The following AP3B1 variants were observed in gnomAD, a reference collection of about 807,000 sequenced individuals.
AP3B1 encodes the protein AP-3 complex subunit beta-1.
A neutral mutation model predicts 132.5 loss-of-function variants in AP3B1; 61 were observed. That is an observed-to-expected ratio of 0.46 (90% confidence interval 0.37 to 0.57). AP3B1 has a LOEUF of 0.57. Among genes scored for constraint, AP3B1 ranks in the 20% least tolerant of loss-of-function variants. The pLI, the probability that AP3B1 is intolerant of heterozygous loss-of-function variation, is 0.00. For missense variants in AP3B1, 1,120 were observed against 1,289.4 expected, an observed-to-expected ratio of 0.87 and a Z score of 2.01; for synonymous variants, 388 against 438.3, an observed-to-expected ratio of 0.89 and a Z score of 1.43.
At chr5:78,089,310 C>T (rs1750410237) in intron 22 of AP3B1, 83 bp downstream of exon 22, 1 of 997,074 alleles carries the variant, frequency 1.0e-6, no homozygotes, top group Non-Finnish European at 1.6e-6. Context: ...ACTAAGAATC[C>T]ACTTCAAGTA....
intron 1 of AP3B1, among the ~76,000 whole-genome samples, chr5:78,269,354 T>A (rs1748459134): frequency 6.6e-6 from 1 of 152,198 alleles, no homozygotes; most frequent in Non-Finnish European, 1.5e-5. Context: ...TAACTTTTCC[T>A]TTCATGTTCA....
At chr5:78,216,026 T>C in intron 7 of AP3B1, 29 bp downstream of exon 7, 1 of 1,612,530 alleles carries the variant, frequency 6.2e-7, no homozygotes, top group Non-Finnish European at 8.5e-7. Context: ...CTTAGTATAC[T>C]TGAAAGTGGA....
intron 14 of AP3B1, among the ~76,000 whole-genome samples, chr5:78,154,092 G>T (rs1483948491): frequency 6.6e-6 from 1 of 152,082 alleles, no homozygotes; most frequent in East Asian, 1.9e-4. Context: ...TTTTCTTTCA[G>T]ATTGAAGAGC....
At chr5:78,110,845 A>T (rs191232688) in intron 19 of AP3B1, among the ~76,000 whole-genome samples, 15 of 151,440 alleles carry the variant, frequency 9.9e-5, no homozygotes, top group African/African-American at 2.9e-4. Flanking sequence ...TGCAGCCTTG[A>T]CCTCCCGGGC....
chr5:78,119,182 C>G (rs975072900), intron 17 of AP3B1, among the ~76,000 whole-genome samples: 3 of 152,094 alleles, frequency 2.0e-5, no homozygotes, highest in Non-Finnish European at 2.9e-5. Flanking sequence ...CACCAAAAAC[C>G]CATCTGTACA....
rs540493032 is a variant in AP3B1, at chr5:78,007,584, T to C, written c.3132-4529A>G. ...TAGTCCAAAGTTGACAAATGTGTAA[T>C]GAAGTCGCACGATCATTATATGTAA... On this transcript the variant is annotated intron_variant, in intron 26 of 26. Coordinates refer to ENST00000255194, the MANE Select transcript of AP3B1 (RefSeq NM_003664.5). 1.6e-3 allele frequency among the ~76,000 whole-genome samples: 247 copies of C among 152,336 alleles called. 2 individuals carry two copies. Among genetic ancestry groups the C allele is most frequent in the Middle Eastern group, 6.8e-3 (2 of 294 alleles).
At chr5:78,039,309 T>C (rs906398315) in intron 22 of AP3B1, 35 bp from the exon 23 acceptor site, 1 of 1,477,164 alleles carries the variant, frequency 6.8e-7, no homozygotes, top group Non-Finnish European at 9.5e-7. Context: ...AAAGATGAGT[T>C]AGTGAATATA....
chr5:78,086,345 T>C (rs2112194904), intron 22 of AP3B1, among the ~76,000 whole-genome samples: 1 of 152,344 alleles, frequency 6.6e-6, no homozygotes, highest in Admixed American at 6.5e-5. Flanking sequence ...TATTTAGTTA[T>C]TAGTACATAT....
At chr5:78,091,657 T>C (rs1289838396) in intron 21 of AP3B1, among the ~76,000 whole-genome samples, 1 of 152,144 alleles carries the variant, frequency 6.6e-6, no homozygotes, top group Non-Finnish European at 1.5e-5. Context: ...CAGTTAATTG[T>C]TGGATAACAG....
intron 7 of AP3B1, among the ~76,000 whole-genome samples, chr5:78,184,624 A>C (rs1268654962): frequency 6.6e-6 from 1 of 150,394 alleles, no homozygotes; most frequent in African/African-American, 2.5e-5. Context: ...GGAGGCAGAG[A>C]TTGCAGTAAG....
chr5:78,096,280 C>T (rs1011848249), intron 21 of AP3B1, among the ~76,000 whole-genome samples: 1 of 152,208 alleles, frequency 6.6e-6, no homozygotes, highest in Non-Finnish European at 1.5e-5. Context: ...CCAGAGGTGC[C>T]GGGATTGCAG....
intron 6 of AP3B1, among the ~76,000 whole-genome samples, chr5:78,217,334 C>G (rs1746005415): frequency 6.6e-6 from 1 of 152,048 alleles, no homozygotes; most frequent in African/African-American, 2.4e-5. Context: ...TTATGCTAAA[C>G]AAGTTTCAAG....
chr5:78,103,930 G>C (rs942583312), intron 20 of AP3B1, among the ~76,000 whole-genome samples: 2 of 151,980 alleles, frequency 1.3e-5, no homozygotes, highest in Non-Finnish European at 2.9e-5. Flanking sequence ...ATTTGTTAAT[G>C]TATTATGCAT....
At chr5:78,229,289 A>C (rs1296394432) in intron 3 of AP3B1, among the ~76,000 whole-genome samples, 1 of 152,196 alleles carries the variant, frequency 6.6e-6, no homozygotes, top group Non-Finnish European at 1.5e-5. Flanking sequence ...CAAAATTATG[A>C]ACAGAAAAAG....
At chr5:78,277,357 G>A (rs1748825664) in intron 1 of AP3B1, among the ~76,000 whole-genome samples, 1 of 152,090 alleles carries the variant, frequency 6.6e-6, no homozygotes, top group Non-Finnish European at 1.5e-5. Flanking sequence ...ACAAGGAATT[G>A]GTGGGAGGGA....
At chr5:78,205,861 ATT>A (rs5868907) in intron 7 of AP3B1, among the ~76,000 whole-genome samples, 19 of 150,790 alleles carry the variant, frequency 1.3e-4, no homozygotes, top group Non-Finnish European at 2.7e-4. Context: ...GTCTAAAAAA[ATT>A]TTTTTTTTTC....
intron 15 of AP3B1, among the ~76,000 whole-genome samples, chr5:78,133,486 T>C (rs887492547): frequency 6.6e-6 from 1 of 152,170 alleles, no homozygotes; most frequent in Admixed American, 6.5e-5. Flanking sequence ...AGGCAAATAT[T>C]AGTGATATTA....
chr5:78,183,639 G>C (rs1744465754), intron 7 of AP3B1, among the ~76,000 whole-genome samples: 3 of 152,154 alleles, frequency 2.0e-5, no homozygotes, highest in Non-Finnish European at 4.4e-5. Context: ...GGAGGCCGAG[G>C]TGGGCAGATC....
intron 14 of AP3B1, among the ~76,000 whole-genome samples, chr5:78,154,220 T>A (rs1743044647): frequency 6.6e-6 from 1 of 152,234 alleles, no homozygotes; most frequent in African/African-American, 2.4e-5. Flanking sequence ...ATATTTTCAC[T>A]GGATATACTA....
Sources: gnomAD v4.1 joint callset for allele counts (sites outside exome capture counted in the v4.1 genomes callset) on GRCh38, gnomAD v4.1.1 for gene constraint, MANE v1.5 for transcripts, NCBI Gene and HGNC (gene_info 2026-07-23, HGNC 2026-07-21) for gene names.